Variants in PCTP observed in about 807,000 individuals in gnomAD.
PCTP encodes phosphatidylcholine transfer protein, also known as START domain-containing protein 2.
A neutral mutation model predicts 31.0 loss-of-function variants in PCTP; 27 were observed. The observed-to-expected ratio is 0.87, with a 90% CI of 0.64 to 1.20. The LOEUF (loss-of-function observed/expected upper bound fraction) is 1.20, where lower values mean the gene tolerates loss of function less well. Ranked by LOEUF, PCTP falls within the 50% of genes most tolerant of loss-of-function variation. PCTP has a pLI of 0.00. For synonymous variants in PCTP, 108 were observed against 101.2 expected, an observed-to-expected ratio of 1.07 and a Z score of -0.40; for missense variants, 287 against 268.2, an observed-to-expected ratio of 1.07 and a Z score of -0.49.
intron 3 of PCTP, among the ~76,000 whole-genome samples, chr17:55,796,472 C>A (rs552997604): frequency 6.6e-6 from 1 of 152,058 alleles, no homozygotes; most frequent in African/African-American, 2.4e-5. Flanking sequence ...CATCTGGACT[C>A]ATTGGGAAAG....
intron 1 of PCTP, among the ~76,000 whole-genome samples, chr17:55,762,323 A>C (rs1910382730): frequency 6.6e-6 from 1 of 152,056 alleles, no homozygotes; most frequent in African/African-American, 2.4e-5. Context: ...AAGACAAAGA[A>C]AGGGAAATCT....
intron 3 of PCTP, among the ~76,000 whole-genome samples, chr17:55,805,918 T>TGTGTGTGTGTGTGTGTGTGTGTG (rs1567726531): frequency 1.0e-4 from 11 of 108,902 alleles, no homozygotes; most frequent in African/African-American, 4.4e-4. Context: ...GTGTGTGTGT[T>TGTGTGTGTGTGTGTGTGTGTGTG]TGACTTTAGA....
intron 3 of PCTP, among the ~76,000 whole-genome samples, chr17:55,809,584 G>A (rs1044090027): frequency 2.5e-4 from 38 of 150,352 alleles, no homozygotes; most frequent in East Asian, 1.2e-3. Flanking sequence ...GTGCAATGGC[G>A]CGATCTCAAC....
intron 1 of PCTP, among the ~76,000 whole-genome samples, chr17:55,753,065 T>C (rs983107187): frequency 2.6e-5 from 4 of 152,216 alleles, no homozygotes; most frequent in African/African-American, 9.7e-5. Flanking sequence ...AAAATTCTTT[T>C]ATCTTCTCTG....
chr17:55,807,756 G>T (rs10515112), intron 3 of PCTP, among the ~76,000 whole-genome samples: 10,642 of 152,110 alleles, frequency 0.07, 512 homozygotes, highest in Middle Eastern at 0.15. Context: ...CATTTTCAGG[G>T]TTAAGACTCT....
At chr17:55,843,217 T>A (rs1906040930), downstream of PCTP, among the ~76,000 whole-genome samples, 1 of 152,190 alleles carries the variant, frequency 6.6e-6, no homozygotes, top group Middle Eastern at 3.2e-3. Context: ...ATTATCTTAT[T>A]TCTTCTAGTC....
At chr17:55,775,288 T>G in intron 5 of PCTP, 2 of 1,235,812 alleles carry the variant, frequency 1.6e-6, no homozygotes, top group Non-Finnish European at 1.0e-6. Flanking sequence ...TTGCCCTTTT[T>G]TTTTTTTCTT....
At chr17:55,756,653 T>C (rs968313249) in intron 1 of PCTP, among the ~76,000 whole-genome samples, 5 of 152,176 alleles carry the variant, frequency 3.3e-5, no homozygotes, top group African/African-American at 1.2e-4. Context: ...TCTACTTTCG[T>C]GTATGTTTGA....
At chr17:55,757,524 A>G (rs1037815900) in intron 1 of PCTP, among the ~76,000 whole-genome samples, 3 of 142,666 alleles carry the variant, frequency 2.1e-5, no homozygotes, top group Non-Finnish European at 4.6e-5. Flanking sequence ...ATATATACAC[A>G]CACATATAGT....
chr17:55,795,966 G>A (rs866912057), intron 3 of PCTP, among the ~76,000 whole-genome samples: 1 of 152,018 alleles, frequency 6.6e-6, no homozygotes, highest in Admixed American at 6.6e-5. Flanking sequence ...GTTCAAAAAA[G>A]TGTTCTGGTG....
intron 1 of PCTP, among the ~76,000 whole-genome samples, chr17:55,764,006 G>A (rs1323193739): frequency 1.3e-5 from 2 of 152,104 alleles, no homozygotes; most frequent in African/African-American, 2.4e-5. Flanking sequence ...GGAAGTTGTC[G>A]CAATCGTTCA....
At chr17:55,848,231 A>G in the PCTP span, among the ~76,000 whole-genome samples, 1 of 152,352 alleles carries the variant, frequency 6.6e-6, no homozygotes, top group Middle Eastern at 3.4e-3. Context: ...TTGATCAACT[A>G]TCTGAGCAAC....
chr17:55,805,886 A>ATGTGTGTGTGTG (rs58345619), intron 3 of PCTP, among the ~76,000 whole-genome samples: 9,843 of 142,764 alleles, frequency 0.069, 357 homozygotes, highest in Middle Eastern at 0.11. Context: ...CTCAATCTGT[A>ATGTGTGTGTGTG]TGTGTGTGTG....
intron 3 of PCTP, among the ~76,000 whole-genome samples, chr17:55,820,533 G>A (rs191853336): frequency 1.2e-3 from 181 of 152,206 alleles, no homozygotes; most frequent in Non-Finnish European, 1.9e-3. Flanking sequence ...TCTCATTCAC[G>A]AGGATTCTAC....
chr17:55,803,084 A>C (rs1460747415), intron 3 of PCTP, among the ~76,000 whole-genome samples: 1 of 152,222 alleles, frequency 6.6e-6, no homozygotes, highest in African/African-American at 2.4e-5. Flanking sequence ...CAGAGAGCCA[A>C]ATCATGAGTG....
chr17:55,793,704 C>T (rs780187268), intron 3 of PCTP, among the ~76,000 whole-genome samples: 7 of 152,114 alleles, frequency 4.6e-5, no homozygotes, highest in South Asian at 2.1e-4. Flanking sequence ...TTAATAAAGG[C>T]GGTAGTCGCT....
chr17:55,766,273 T>A (rs1357242756), intron 1 of PCTP, among the ~76,000 whole-genome samples: 76 of 151,384 alleles, frequency 5.0e-4, no homozygotes, highest in Admixed American at 2.6e-4. Flanking sequence ...TTTTTTTTTT[T>A]ATTATACTTT....
At chr17:55,844,652 C>G (rs1274162393), downstream of PCTP, among the ~76,000 whole-genome samples, 2 of 152,032 alleles carry the variant, frequency 1.3e-5, no homozygotes, top group Admixed American at 6.6e-5. Context: ...TATAGACTCA[C>G]CGACATAGAA....
At chr17:55,768,383 C>G (rs1293237052) in intron 2 of PCTP, among the ~76,000 whole-genome samples, 1 of 152,026 alleles carries the variant, frequency 6.6e-6, no homozygotes, top group Non-Finnish European at 1.5e-5. Context: ...AGAGTTGAAT[C>G]AAAATTTTCC....
Sources: allele counts gnomAD v4.1 joint callset (sites outside exome capture counted in the v4.1 genomes callset), GRCh38; gene constraint gnomAD v4.1.1; transcripts MANE v1.5; gene names NCBI Gene and HGNC (gene_info 2026-07-23, HGNC 2026-07-21).